Variants in GTPBP10 observed in about 807,000 individuals in gnomAD.
The protein encoded by GTPBP10 is GTP-binding protein 10.
Under a neutral mutation model 44.8 loss-of-function variants are expected in GTPBP10, and 38 were observed. The ratio of observed to expected loss-of-function variants is 0.85; its 90% CI spans 0.65 to 1.11. The LOEUF is 1.11. GTPBP10 is among the 50% of genes most tolerant of loss of function. GTPBP10 has a pLI of 0.00. For synonymous variants in GTPBP10, 152 were observed against 150.6 expected, an observed-to-expected ratio of 1.01 and a Z score of -0.07; for missense variants, 462 against 453.7, an observed-to-expected ratio of 1.02 and a Z score of -0.17.
intron 4 of GTPBP10, among the ~76,000 whole-genome samples, chr7:90,360,497 A>G (rs1337422185): frequency 2.0e-5 from 3 of 152,080 alleles, no homozygotes; most frequent in African/African-American, 7.2e-5. Flanking sequence ...CTATTGGTCT[A>G]TATCTCTGTT....
chr7:90,362,126 A>G (rs1376875218), intron 4 of GTPBP10, among the ~76,000 whole-genome samples: 2 of 150,040 alleles, frequency 1.3e-5, no homozygotes, highest in African/African-American at 4.9e-5. Flanking sequence ...TTGTGTCTCT[A>G]TTTCCTTCAT....
At chr7:90,361,854 C>T (rs1796028264) in intron 4 of GTPBP10, among the ~76,000 whole-genome samples, 1 of 152,106 alleles carries the variant, frequency 6.6e-6, no homozygotes, top group African/African-American at 2.4e-5. Context: ...CTGGTTTAGT[C>T]TTGGGAGGGT....
At chr7:90,382,863 G>A (rs572213730) in intron 8 of GTPBP10, 93 bp from the exon 9 acceptor site, 2 of 740,334 alleles carry the variant, frequency 2.7e-6, no homozygotes, top group African/African-American at 3.6e-5. Context: ...TGATGTGAAT[G>A]GGTTTTAGAT....
At chr7:90,369,599 C>T (rs936391698) in intron 4 of GTPBP10, among the ~76,000 whole-genome samples, 1 of 152,222 alleles carries the variant, frequency 6.6e-6, no homozygotes, top group African/African-American at 2.4e-5. Context: ...GTGAGCAAGG[C>T]TCCGTTGGCT....
Position 90,376,337 on chromosome 7 carries a change from G to A in GTPBP10, c.592-1170G>A, listed in dbSNP as rs375348153. ...ATTCTTTTATTATGTTGGTACAAAA[G>A]TAACTGTGGTTTTGGCCATTAAAAG... On this transcript the variant is annotated intron_variant, in intron 6 of 9. Coordinates refer to ENST00000222511, the MANE Select transcript of GTPBP10 (RefSeq NM_033107.4). Among the ~76,000 whole-genome samples the A allele has an allele frequency of 3.3e-5, 5 of 152,154 alleles. No homozygotes were observed. In the East Asian group the frequency reaches 7.7e-4, roughly 23 times the overall value.
chr7:90,382,918 A>C (rs548710628), intron 8 of GTPBP10, 38 bp from the exon 9 acceptor site: 1 of 1,410,634 alleles, frequency 7.1e-7, no homozygotes. Context: ...TACAGAAACC[A>C]GTACTAAAAT....
At chr7:90,365,537 G>A (rs1474683604) in intron 4 of GTPBP10, among the ~76,000 whole-genome samples, 11 of 151,092 alleles carry the variant, frequency 7.3e-5, no homozygotes, top group African/African-American at 2.4e-4. Flanking sequence ...CACTACGCCC[G>A]GCTAATTTTT....
At chr7:90,359,544 A>T (rs778088327) in intron 4 of GTPBP10, among the ~76,000 whole-genome samples, 38 of 152,160 alleles carry the variant, frequency 2.5e-4, no homozygotes, top group Non-Finnish European at 4.3e-4. Flanking sequence ...TCTATCATTG[A>T]TGGACATTTG....
rs78498909 is a variant in GTPBP10, at chr7:90,348,373, G to T, written c.33+1599G>T. Among the ~76,000 whole-genome samples the T allele has an allele frequency of 3.9e-3, 593 of 152,250 alleles. 4 individuals are homozygous for T. The highest frequency in any genetic ancestry group is 0.014 in the African/African-American group (568 of 41,544). On this transcript the variant is annotated intron_variant, in intron 1 of 9. Transcript: ENST00000222511. Reference sequence around the variant, plus strand: ...CCCACAAAACAACTACTAATAATCTGTTGGCTGGAAGCCTCACTGATAACA... The same window carrying T: ...CCCACAAAACAACTACTAATAATCTTTTGGCTGGAAGCCTCACTGATAACA...
intron 1 of GTPBP10, among the ~76,000 whole-genome samples, chr7:90,351,288 A>G (rs886358746): frequency 6.6e-6 from 1 of 152,208 alleles, no homozygotes; most frequent in Non-Finnish European, 1.5e-5. Context: ...AGTTTTTATA[A>G]TAGATGTGTG....
Position 90,352,929 on chromosome 7 carries a change from C to G in GTPBP10, c.147C>G (p.Ala49=), listed in dbSNP as rs547797042. Residue 49 remains alanine (A), a synonymous_variant, in exon 2 of 10, where the codon GCC becomes GCG. Coordinates refer to ENST00000222511, the MANE Select transcript of GTPBP10 (RefSeq NM_033107.4). ...AAGGTGGTGATGTCTGGGTTGTAGC[C>G]CAGAACAGAATGACTTTAAAACAAC... ...GGKGGDVWVV[A]QNRMTLKQLK... is the part of the protein sequence containing the mutation. 10 of 1,613,308 alleles carry G rather than the reference C, an allele frequency of 6.2e-6. No individual in the cohort carries two copies. The highest frequency in any genetic ancestry group is 8.5e-6 in the Non-Finnish European group (10 of 1,179,840).
At chr7:90,347,580 CCTT>C (rs1795703362) in intron 1 of GTPBP10, 2 of 505,100 alleles carry the variant, frequency 4.0e-6, no homozygotes, top group South Asian at 8.6e-5. Flanking sequence ...AGAAATTACT[CCTT>C]AAGTTATTTT....
At chr7:90,369,259 C>T (rs1796203290) in intron 4 of GTPBP10, among the ~76,000 whole-genome samples, 1 of 152,152 alleles carries the variant, frequency 6.6e-6, no homozygotes, top group African/African-American at 2.4e-5. Context: ...GGTCAGGGAC[C>T]CACTTGAGGA....
intron 8 of GTPBP10, among the ~76,000 whole-genome samples, 171 bp from the exon 9 acceptor site, chr7:90,382,785 A>T (rs1273590925): frequency 6.6e-6 from 1 of 152,138 alleles, no homozygotes; most frequent in Non-Finnish European, 1.5e-5. Context: ...CTAACACATG[A>T]CTTAACCAGA....
chr7:90,382,736 T>C (rs958290421), intron 8 of GTPBP10, among the ~76,000 whole-genome samples: 1 of 152,202 alleles, frequency 6.6e-6, no homozygotes, highest in Non-Finnish European at 1.5e-5. Flanking sequence ...AGACGCAAAA[T>C]TACAACTGTC....
intron 1 of GTPBP10, among the ~76,000 whole-genome samples, chr7:90,348,150 G>T (rs1246778432): frequency 1.3e-5 from 2 of 152,166 alleles, no homozygotes; most frequent in African/African-American, 4.8e-5. Flanking sequence ...GTTTGAGGCT[G>T]CAGCAATGAT....
At position 90,382,689 on chromosome 7, in the gene GTPBP10, T is replaced by C. The variant is rs190588744; in HGVS notation, c.778-267T>C. Among the ~76,000 whole-genome samples, 1,264 of 152,336 alleles carry C rather than the reference T, an allele frequency of 8.3e-3. 15 individuals are homozygous for C. Among genetic ancestry groups the C allele is most frequent in the African/African-American group, 0.029 (1,188 of 41,568 alleles). On this transcript the variant is annotated intron_variant, in intron 8 of 9. Transcript: ENST00000222511. ...AGTGATCATTACTGACTTCTGAATT[T>C]TATCTGTGTGAAGTCCAGATACCCA... is the stretch of plus-strand genomic sequence containing the variant.
intron 4 of GTPBP10, among the ~76,000 whole-genome samples, chr7:90,359,231 G>T (rs1169545917): frequency 6.6e-6 from 1 of 151,642 alleles, no homozygotes; most frequent in African/African-American, 2.4e-5. Context: ...GCGCCATGTC[G>T]GTTTGCTGCA....
At chr7:90,371,144 A>G in intron 4 of GTPBP10, 1 of 906,144 alleles carries the variant, frequency 1.1e-6, no homozygotes. Context: ...AAAACAAATA[A>G]TACACACTTG....
Sources: gnomAD v4.1 joint callset for allele counts (sites outside exome capture counted in the v4.1 genomes callset) on GRCh38, gnomAD v4.1.1 for gene constraint, MANE v1.5 for transcripts, NCBI Gene and HGNC (gene_info 2026-07-23, HGNC 2026-07-21) for gene names.